ZNF142: variants seen among roughly 807,000 people sequenced by gnomAD.
The protein encoded by ZNF142 is zinc finger protein 142.
A neutral mutation model predicts 132.1 loss-of-function variants in ZNF142; 96 were observed. The observed-to-expected ratio is 0.73, with a 90% CI of 0.62 to 0.86. The LOEUF is 0.86. ZNF142 is among the 40% of genes least tolerant of loss of function. The pLI is 0.00. For synonymous variants in ZNF142, 842 were observed against 890.1 expected, an observed-to-expected ratio of 0.95 and a Z score of 0.96; for missense variants, 2,163 against 2,336.2, an observed-to-expected ratio of 0.93 and a Z score of 1.53.
At position 218,648,696 on chromosome 2, in the gene ZNF142, A is replaced by G. The variant is rs1228063281; in HGVS notation, c.1812T>C (p.Pro604=). The G allele has an allele frequency of 4.3e-6, 7 of 1,614,232 alleles. No homozygotes were observed. The highest frequency in any genetic ancestry group is 2.2e-5 in the East Asian group (1 of 44,872). Reference sequence around the variant, plus strand: ...TGTGGGCAGTGGCAAAGTTGCACTCAGGACACTGGTGGATCTTTTCATGAG... The same window carrying G: ...TGTGGGCAGTGGCAAAGTTGCACTCGGGACACTGGTGGATCTTTTCATGAG... ...MHAHEKIHQC[P]ECNFATAHKR... Residue 604 remains proline, a synonymous_variant, in exon 7 of 11, where the codon CCT becomes CCC. Coordinates refer to ENST00000411696, the MANE Select transcript of ZNF142 (RefSeq NM_001379659.1).
rs765598478 is a variant in ZNF142 at position 218,644,541 on chromosome 2, T to C, written c.2575A>G (p.Met859Val). 4 of 1,613,996 alleles carry C rather than the reference T, an allele frequency of 2.5e-6. No homozygotes were observed. In the South Asian group the frequency reaches 4.4e-5, roughly 18 times the overall value. The change falls in exon 9 of 11, where the codon ATG (methionine) becomes GTG (valine). Residue 859 changes from methionine to valine, a missense_variant. This residue lies in a region of ZNF142 where 749 missense variants were observed against 830.3 expected (regional missense o/e 0.90). Transcript: ENST00000411696. The surrounding 1 kb of genome is among the most constrained non-coding windows in gnomAD (Gnocchi z 4.6). Reference protein sequence around the residue: ...DPSLDQALPEMSEEVNTGRQE... With the variant: ...DPSLDQALPEVSEEVNTGRQE... The stretch of plus-strand genomic sequence containing the variant: ...CTTCCAGTGTTGACCTCCTCACTCA[T>C]CTCTGGCAGGGCCTGGTCCAAGCTG...
chr2:218,635,996 C>T lies in ZNF142; in HGVS notation c.*2343G>A, dbSNP rs1696718421. On this transcript the variant is annotated 3_prime_UTR_variant, in exon 11 of 11. Coordinates refer to ENST00000411696, the MANE Select transcript of ZNF142 (RefSeq NM_001379659.1). ...ATGATTAGTTTTCCTTCTAGTCTGT[C>T]TTCCATTAAGTATAGCATCTGTTAT... 1.7e-5 allele frequency: 28 copies of T among 1,607,762 alleles called. No homozygotes were observed. In the South Asian group the frequency reaches 3.0e-4, roughly 17 times the overall value.
intron 5 of ZNF142, among the ~76,000 whole-genome samples, chr2:218,651,257 C>T (rs923770402): frequency 6.6e-6 from 1 of 152,232 alleles, no homozygotes; most frequent in East Asian, 1.9e-4. Context: ...GTTGGGATCA[C>T]AGGCATGTGC....
Position 218,634,219 on chromosome 2 carries a change from T to C in ZNF142, c.*4120A>G, listed in dbSNP as rs777715325. 2 of 1,608,580 alleles carry C rather than the reference T, an allele frequency of 1.2e-6. No homozygotes were observed. The highest frequency in any genetic ancestry group is 1.7e-6 in the Non-Finnish European group (2 of 1,177,372). On this transcript the variant is annotated 3_prime_UTR_variant, in exon 11 of 11. Coordinates refer to ENST00000411696, the MANE Select transcript of ZNF142 (RefSeq NM_001379659.1). This position sits in a 1 kb window ranked among gnomAD's most constrained non-coding sequence, Gnocchi z 4.0. ...GAACTCTGGAATGCAGGCTGCCAGA[T>C]GGGTGAGGAGGCAGCAGGGACTGGG...
rs552091715 is a variant in ZNF142 at position 218,634,249 on chromosome 2, G to A, written c.*4090C>T. On this transcript the variant is annotated 3_prime_UTR_variant, in exon 11 of 11. Transcript: ENST00000411696. This position sits in a 1 kb window ranked among gnomAD's most constrained non-coding sequence, Gnocchi z 4.0. ...GAGGAGGCAGCAGGGACTGGGAAGA[G>A]GGAGTGGAGGAGCAGCAGGTGGGAA... 2.3e-5 allele frequency: 36 copies of A among 1,595,754 alleles called. No homozygotes were observed. In the African/African-American group the frequency reaches 4.4e-4, roughly 20 times the overall value.
rs143999880 is a variant in ZNF142 at position 218,642,289 on chromosome 2, G to A, written c.4827C>T (p.Ala1609=). 5.8e-5 allele frequency: 93 copies of A among 1,614,084 alleles called. No homozygotes were observed. Among genetic ancestry groups the A allele is most frequent in the African/African-American group, 5.7e-4 (43 of 75,056 alleles). ...YLEQHEETSA[A]VAASDGDGDA... is the part of the protein sequence containing the mutation. The stretch of plus-strand genomic sequence containing the variant: ...CCCCATCCCCATCTGAGGCTGCCAC[G>A]GCTGCTGAAGTCTCCTCATGCTGTT... Residue 1609 remains alanine, a synonymous_variant, in exon 9 of 11, where the codon GCC becomes GCT. Transcript: ENST00000411696. This position sits in a 1 kb window ranked among gnomAD's most constrained non-coding sequence, Gnocchi z 4.6.
intron 6 of ZNF142, among the ~76,000 whole-genome samples, chr2:218,650,152 G>A (rs1267378299): frequency 2.0e-5 from 3 of 152,164 alleles, no homozygotes; most frequent in Admixed American, 6.5e-5. Context: ...AAGCAAACTC[G>A]ATTTACCCCA....
chr2:218,644,940 C>G lies in ZNF142; in HGVS notation c.2176G>C (p.Glu726Gln). The G allele has an allele frequency of 1.2e-6, 2 of 1,614,192 alleles. No individual in the cohort carries two copies. The highest frequency in any genetic ancestry group is 1.6e-4 in the Middle Eastern group (1 of 6,062). The change falls in exon 9 of 11, where the codon GAG becomes CAG. Residue 726 changes from glutamate (E) to glutamine (Q), a missense_variant. Physicochemically the swap from Glu to Gln is conservative, Grantham distance 29. This residue lies in a region of ZNF142 where 749 missense variants were observed against 830.3 expected (regional missense o/e 0.90). Transcript: ENST00000411696. The surrounding 1 kb of genome is among the most constrained non-coding windows in gnomAD (Gnocchi z 4.6). ...TGGGAAGCCATGTGCTTCTGCAGCT[C>G]ATACTTCCGCTTGCAGGCGAAGGCA... is the stretch of plus-strand genomic sequence containing the variant. The part of the protein sequence containing the change: ...VCAFACKRKY[E>Q]LQKHMASQHH...
Position 218,637,070 on chromosome 2 carries a change from C to T in ZNF142, c.*1269G>A, listed in dbSNP as rs1696807480. On this transcript the variant is annotated 3_prime_UTR_variant, in exon 11 of 11. Coordinates refer to ENST00000411696, the MANE Select transcript of ZNF142 (RefSeq NM_001379659.1). ...CAAAGATTAGGGAAAGAGACTTGAC[C>T]CCAGGACTGTACTACGACTCTTAAG... is the stretch of plus-strand genomic sequence containing the variant. 1 of 382,586 alleles carries T rather than the reference C, an allele frequency of 2.6e-6. No individual in the cohort carries two copies. Among genetic ancestry groups the T allele is most frequent in the South Asian group, 2.0e-5 (1 of 49,702 alleles). The allele number at this position is 382,586 out of a possible 1,614,324, so 23.7% of individuals were successfully genotyped here.
intron 9 of ZNF142, 84 bp from the exon 10 acceptor site, chr2:218,640,853 T>A (rs1697122563): frequency 9.3e-7 from 1 of 1,078,944 alleles, no homozygotes. Context: ...ATTCTTGCCC[T>A]GTTCTATGCC....
At position 218,643,230 on chromosome 2, in the gene ZNF142, C is replaced by T. The variant is rs191547100; in HGVS notation, c.3886G>A (p.Val1296Ile). The change falls in exon 9 of 11, where the codon GTT becomes ATT. Residue 1296 changes from valine (V) to isoleucine (I), a missense_variant. Val to Ile is a conservative substitution (Grantham distance 29). Around this residue, in one of 7 missense-constraint regions of ZNF142, gnomAD observed 809 missense variants for 801.7 expected, o/e 1.01. Transcript: ENST00000411696. Reference sequence around the variant, plus strand: ...AAGCGAGCCCCCTTCTGCTTTTGAACCAGAACTGTATCCCCATCACCAGAG... The same window carrying T: ...AAGCGAGCCCCCTTCTGCTTTTGAATCAGAACTGTATCCCCATCACCAGAG... ...SSSGDGDTVLVQKQKGARFSC... is the reference protein window; with the variant it reads ...SSSGDGDTVLIQKQKGARFSC... The T allele has an allele frequency of 6.2e-7, 1 of 1,614,224 alleles. No individual in the cohort carries two copies. The highest frequency in any genetic ancestry group is 1.3e-5 in the African/African-American group (1 of 75,064).
chr2:218,656,047 A>C (rs937056289), intron 4 of ZNF142, 103 bp downstream of exon 4: 4 of 1,332,162 alleles, frequency 3.0e-6, no homozygotes, highest in Non-Finnish European at 4.0e-6. Flanking sequence ...TAAAAATAGG[A>C]TGCTACCTTG....
chr2:218,645,106 CACA>C lies in ZNF142; in HGVS notation c.2052-45_2052-43del, dbSNP rs769474775. On this transcript the variant is annotated intron_variant, in intron 8 of 10. Coordinates refer to ENST00000411696, the MANE Select transcript of ZNF142 (RefSeq NM_001379659.1). The stretch of plus-strand genomic sequence containing the variant: ...GGGGGAGGCAATCACAATAATTAAT[CACA>C]ACAACTAAGAATCAGTCAGTAAATA... The C allele has an allele frequency of 5.7e-6, 9 of 1,588,704 alleles. No individual in the cohort carries two copies. In the East Asian group the frequency reaches 9.0e-5, roughly 16 times the overall value.
At position 218,643,191 on chromosome 2, in the gene ZNF142, A is replaced by G. The variant is rs766966206; in HGVS notation, c.3925T>C (p.Cys1309Arg). 2 of 1,614,134 alleles carry G rather than the reference A, an allele frequency of 1.2e-6. No homozygotes were observed. The highest frequency in any genetic ancestry group is 2.2e-5 in the South Asian group (2 of 91,094). ...QKGARFSCPT[C>R]PFSCQQERAL... ...CGTTCCTGCTGGCAGCTAAAGGGAC[A>G]TGTAGGGCAGGAGAAGCGAGCCCCC... is the stretch of plus-strand genomic sequence containing the variant. The change falls in exon 9 of 11, where the codon TGT (cysteine) becomes CGT (arginine). Residue 1309 changes from cysteine (C) to arginine (R), a missense_variant. Coordinates refer to ENST00000411696, the MANE Select transcript of ZNF142 (RefSeq NM_001379659.1).
At position 218,642,928 on chromosome 2, in the gene ZNF142, C is replaced by G. The variant is rs1422178374; in HGVS notation, c.4188G>C (p.Gly1396=). 8.7e-6 allele frequency: 14 copies of G among 1,613,552 alleles called. No homozygotes were observed. Among genetic ancestry groups the G allele is most frequent in the African/African-American group, 1.3e-5 (1 of 74,924 alleles). ...MQQHRRLKHE[G]VKPHQCPFCD... is the part of the protein sequence containing the mutation. ...AGAAGGGGCACTGATGGGGCTTCACCCCCTCGTGCTTGAGCCGCCGGTGCT... is the reference window on the plus strand; with the variant it reads ...AGAAGGGGCACTGATGGGGCTTCACGCCCTCGTGCTTGAGCCGCCGGTGCT... The change falls in exon 9 of 11, where the codon GGG becomes GGC. Residue 1396 remains glycine, a synonymous_variant. Transcript: ENST00000411696. The surrounding 1 kb of genome is among the most constrained non-coding windows in gnomAD (Gnocchi z 4.6).
chr2:218,654,184 T>C (rs1412319542), intron 4 of ZNF142, among the ~76,000 whole-genome samples: 1 of 152,158 alleles, frequency 6.6e-6, no homozygotes, highest in African/African-American at 2.4e-5. Flanking sequence ...AATTCCGGTG[T>C]CTTTGTGCAT....
At chr2:218,648,496 G>T in intron 7 of ZNF142, 139 bp downstream of exon 7, 1 of 793,256 alleles carries the variant, frequency 1.3e-6, no homozygotes. Context: ...CTCAACTTAA[G>T]GCTCATTTGT....
At chr2:218,655,876 G>C (rs1281572509) in intron 4 of ZNF142, among the ~76,000 whole-genome samples, 1 of 152,130 alleles carries the variant, frequency 6.6e-6, no homozygotes, top group African/African-American at 2.4e-5. Flanking sequence ...CCAGGATTGG[G>C]CGGAGGTGTC....
intron 10 of ZNF142, among the ~76,000 whole-genome samples, chr2:218,640,098 T>G (rs1320249576): frequency 7.5e-6 from 1 of 134,210 alleles, no homozygotes; most frequent in Admixed American, 7.5e-5. Context: ...AAGAAATACT[T>G]AGGAGGGAAG....
Sources: allele counts gnomAD v4.1 joint callset (sites outside exome capture counted in the v4.1 genomes callset), GRCh38; gene constraint gnomAD v4.1.1; regional missense constraint gnomAD v4.1.1; non-coding constraint Gnocchi (gnomAD v3.1); transcripts MANE v1.5; gene names NCBI Gene and HGNC (gene_info 2026-07-23, HGNC 2026-07-21).